The following CPAMD8 variants were observed in gnomAD, a reference collection of about 807,000 sequenced individuals.
The protein encoded by CPAMD8 is C3 and PZP like alpha-2-macroglobulin domain containing 8, also known as C3 and PZP-like alpha-2-macroglobulin domain-containing protein 8.
A neutral mutation model predicts 224.7 loss-of-function variants in CPAMD8; 146 were observed. The ratio of observed to expected loss-of-function variants is 0.65; its 90% CI spans 0.57 to 0.75. The LOEUF (loss-of-function observed/expected upper bound fraction) is 0.75. Among genes scored for constraint, CPAMD8 ranks in the 30% least tolerant of loss-of-function variants. CPAMD8 has a pLI of 0.00. For synonymous variants in CPAMD8, 966 were observed against 1,044.6 expected (o/e 0.92, Z 1.45); for missense variants, 2,301 against 2,537.5 (o/e 0.91, Z 2.00).
intron 22 of CPAMD8, among the ~76,000 whole-genome samples, chr19:16,941,208 C>T (rs1437945957): frequency 2.0e-5 from 3 of 152,196 alleles, no homozygotes; most frequent in Non-Finnish European, 4.4e-5. Context: ...GCTGGGATTA[C>T]AGGCATGAGC....
chr19:17,008,697 C>A (rs2056562683), intron 6 of CPAMD8, 138 bp from the exon 7 acceptor site: 2 of 963,406 alleles, frequency 2.1e-6, no homozygotes, highest in East Asian at 2.4e-5. Flanking sequence ...ATCATTAACC[C>A]CGGGGCAAAA....
intron 11 of CPAMD8, among the ~76,000 whole-genome samples, chr19:16,995,257 G>A (rs1046788733): frequency 4.6e-5 from 7 of 152,188 alleles, no homozygotes; most frequent in Admixed American, 3.3e-4. Flanking sequence ...ACTCATGGAC[G>A]GCAAAAGGGA....
intron 13 of CPAMD8, among the ~76,000 whole-genome samples, chr19:16,986,586 T>C (rs1287726674): frequency 1.3e-5 from 2 of 152,120 alleles, no homozygotes; most frequent in Admixed American, 6.6e-5. Flanking sequence ...GGGCTGTTAA[T>C]CCCAGGAAAC....
At chr19:16,980,916 A>G (rs2055490986) in intron 13 of CPAMD8, among the ~76,000 whole-genome samples, 1 of 151,772 alleles carries the variant, frequency 6.6e-6, no homozygotes, top group Non-Finnish European at 1.5e-5. Context: ...GCTCGCTGCA[A>G]CCTCTGCCTC....
At chr19:16,979,570 C>A (rs1039818915) in intron 14 of CPAMD8, among the ~76,000 whole-genome samples, 3 of 151,536 alleles carry the variant, frequency 2.0e-5, no homozygotes, top group Non-Finnish European at 4.4e-5. Context: ...ATCCATCCAT[C>A]CATCCATCCT....
intron 18 of CPAMD8, among the ~76,000 whole-genome samples, chr19:16,958,343 C>A (rs780094761): frequency 1.3e-5 from 2 of 152,170 alleles, no homozygotes; most frequent in Non-Finnish European, 2.9e-5. Context: ...CATCATTTAG[C>A]TTCCACTTAT....
intron 26 of CPAMD8, 52 bp downstream of exon 26, chr19:16,925,144 T>C: frequency 1.9e-6 from 3 of 1,597,750 alleles, no homozygotes; most frequent in Non-Finnish European, 8.6e-7. Flanking sequence ...CACTGAAGGC[T>C]GAACCTGCCT....
At position 16,903,607 on chromosome 19, in the gene CPAMD8, G is replaced by C; in HGVS notation, c.4424C>G (p.Thr1475Arg). The C allele has an allele frequency of 6.2e-7, 1 of 1,614,124 alleles. No individual in the cohort carries two copies. The highest frequency in any genetic ancestry group is 8.5e-7 in the Non-Finnish European group (1 of 1,180,018). The stretch of plus-strand genomic sequence containing the variant: ...CCCCTTGGCACTCACAAACAGCCCC[G>C]TGGGGAGGCTGGGGATCTGGAGACA... ...LQTAAIPSLPTGLFVSAKGDG... is the reference protein window; with the variant it reads ...LQTAAIPSLPRGLFVSAKGDG... Residue 1475 changes from threonine to arginine, a missense_variant, in exon 34 of 42, where the codon ACG becomes AGG. Thr to Arg is a moderately conservative substitution (Grantham distance 71). Transcript: ENST00000443236.
chr19:16,937,001 TTCC>T (rs1244954514), intron 23 of CPAMD8, among the ~76,000 whole-genome samples: 3 of 151,864 alleles, frequency 2.0e-5, no homozygotes, highest in Non-Finnish European at 4.4e-5. Flanking sequence ...CCTTCCTTCC[TTCC>T]TTTTTTCCTT....
intron 3 of CPAMD8, among the ~76,000 whole-genome samples, chr19:17,014,925 T>C (rs977990748): frequency 6.6e-6 from 1 of 152,218 alleles, no homozygotes; most frequent in Admixed American, 6.5e-5. Flanking sequence ...CCTGGGGAGC[T>C]ATGTGCACCC....
chr19:16,956,140 C>A (rs1055594060), intron 19 of CPAMD8, among the ~76,000 whole-genome samples: 2 of 152,078 alleles, frequency 1.3e-5, no homozygotes, highest in Admixed American at 1.3e-4. Context: ...CCTGGCTCTC[C>A]ACACCTGCAC....
chr19:16,920,340 C>T (rs1344495114), intron 27 of CPAMD8, among the ~76,000 whole-genome samples: 11 of 151,980 alleles, frequency 7.2e-5, no homozygotes, highest in Non-Finnish European at 8.8e-5. Context: ...AGTAGCCAGG[C>T]GTGGTGGCGG....
rs1159382846 is a variant in CPAMD8, at chr19:16,896,211, G to C, written c.5391C>G (p.Asp1797Glu). 2 of 1,613,868 alleles carry C rather than the reference G, an allele frequency of 1.2e-6. No homozygotes were observed. The part of the protein sequence containing the change: ...KLNGAGLEVE[D>E]SDPEPEGEAE... ...CCTCCCCTTCAGGCTCAGGGTCTGA[G>C]TCCTCCACCTCAAGGCCGGCTCCAT... Residue 1797 changes from aspartate to glutamate, a missense_variant, in exon 41 of 42, where the codon GAC becomes GAG. By Grantham distance (45) the Asp-to-Glu change is conservative (BLOSUM62 2). Around this residue, in one of 4 missense-constraint regions of CPAMD8, gnomAD observed 1,709 missense variants for 1,753.2 expected, o/e 0.97. Coordinates refer to ENST00000443236, the MANE Select transcript of CPAMD8 (RefSeq NM_015692.5).
chr19:16,943,067 T>C lies in CPAMD8; in HGVS notation c.2793+2482A>G, dbSNP rs2053958936. Among the ~76,000 whole-genome samples, 2 of 149,816 alleles carry C rather than the reference T, an allele frequency of 1.3e-5. 1 individual carries two copies. Among genetic ancestry groups the C allele is most frequent in the South Asian group, 4.2e-4 (2 of 4,752 alleles). ...CTCTCACCCAGGCTAGAGTGCAGTG[T>C]TGCAAGAGTCCCTCTGTTGCTTACT... is the stretch of plus-strand genomic sequence containing the variant. On this transcript the variant is annotated intron_variant, in intron 22 of 41. Coordinates refer to ENST00000443236, the MANE Select transcript of CPAMD8 (RefSeq NM_015692.5).
Position 16,904,484 on chromosome 19 carries a change from C to A in CPAMD8, c.4096G>T (p.Asp1366Tyr). ...CCAGTACCTGACTGAGAGACCCTGTCACTGAAGCTCAAGAATGTGCCCTTG... is the reference window on the plus strand; with the variant it reads ...CCAGTACCTGACTGAGAGACCCTGTAACTGAAGCTCAAGAATGTGCCCTTG... ...VDKGTFLSFS[D>Y]RVSQSVVSAE... is the part of the protein sequence containing the mutation. The change falls in exon 31 of 42, where the codon GAC becomes TAC. Residue 1366 changes from aspartate (D) to tyrosine (Y), a missense_variant. Physicochemically the swap from Asp to Tyr is radical, Grantham distance 160. Around this residue, in one of 4 missense-constraint regions of CPAMD8, gnomAD observed 1,709 missense variants for 1,753.2 expected, o/e 0.97. Coordinates refer to ENST00000443236, the MANE Select transcript of CPAMD8 (RefSeq NM_015692.5). 1 of 1,614,114 alleles carries A rather than the reference C, an allele frequency of 6.2e-7. No individual in the cohort carries two copies. Among genetic ancestry groups the A allele is most frequent in the Non-Finnish European group, 8.5e-7 (1 of 1,179,958 alleles).
intron 18 of CPAMD8, among the ~76,000 whole-genome samples, chr19:16,959,446 A>T (rs191998349): frequency 6.6e-6 from 1 of 151,990 alleles, no homozygotes; most frequent in Admixed American, 6.6e-5. Flanking sequence ...AAGTGCTGGG[A>T]TTACAGGTGT....
At chr19:17,008,354 G>A in intron 7 of CPAMD8, 151 bp downstream of exon 7, 1 of 946,066 alleles carries the variant, frequency 1.1e-6, no homozygotes, top group Non-Finnish European at 1.6e-6. Context: ...TCACCTCCCA[G>A]GTGGGTACCT....
At position 16,928,116 on chromosome 19, in the gene CPAMD8, C is replaced by T. The variant is rs61742969; in HGVS notation, c.3263G>A (p.Arg1088Gln). The change falls in exon 25 of 42, where the codon CGA (arginine) becomes CAA (glutamine). Residue 1088 changes from arginine (R) to glutamine (Q), a missense_variant. Arg to Gln is a conservative substitution (Grantham distance 43). Transcript: ENST00000443236. Reference protein sequence around the residue: ...STGWGSMGEFRIWRKMEVDES... With the variant: ...STGWGSMGEFQIWRKMEVDES... ...GTCCACCTCCATCTTCCTCCAGATT[C>T]GGAATTCACCCATGGAGCCCCAGCC... The T allele has an allele frequency of 1.8e-5, 29 of 1,613,936 alleles. No individual in the cohort carries two copies. Among genetic ancestry groups the T allele is most frequent in the Middle Eastern group, 1.6e-4 (1 of 6,084 alleles).
chr19:16,975,304 A>G (rs1487399384), intron 16 of CPAMD8, 46 bp from the exon 17 acceptor site: 1 of 1,528,348 alleles, frequency 6.5e-7, no homozygotes, highest in Non-Finnish European at 8.9e-7. Context: ...AGTTTTCTTT[A>G]CAACCCAAAC....
Sources: gnomAD v4.1 joint callset for allele counts (sites outside exome capture counted in the v4.1 genomes callset) on GRCh38, gnomAD v4.1.1 for gene constraint, gnomAD v4.1.1 regional missense constraint, MANE v1.5 for transcripts, NCBI Gene and HGNC (gene_info 2026-07-23, HGNC 2026-07-21) for gene names.